JAKMIP3: variants seen among roughly 807,000 people sequenced by gnomAD.
JAKMIP3 encodes the protein janus kinase and microtubule-interacting protein 3.
In JAKMIP3, 58 loss-of-function variants were observed where a neutral mutation model predicts 118.5. That is an observed-to-expected ratio of 0.49 (90% CI 0.40 to 0.61). The LOEUF (loss-of-function observed/expected upper bound fraction) is 0.61, where lower values mean the gene tolerates loss of function less well. Among genes scored for constraint, JAKMIP3 ranks in the 20% least tolerant of loss-of-function variants. JAKMIP3 has a pLI of 0.00. For missense variants in JAKMIP3, 950 were observed against 1,109.0 expected, an observed-to-expected ratio of 0.86 and a Z score of 2.04; for synonymous variants, 486 against 451.2, an observed-to-expected ratio of 1.08 and a Z score of -0.98.
intron 1 of JAKMIP3, among the ~76,000 whole-genome samples, chr10:132,086,105 T>G (rs971647499): frequency 4.6e-5 from 7 of 152,206 alleles, no homozygotes; most frequent in Non-Finnish European, 4.4e-5. Context: ...TCATCTTGAT[T>G]TCATTGTTGA....
intron 1 of JAKMIP3, among the ~76,000 whole-genome samples, chr10:132,053,647 G>A (rs888799221): frequency 1.3e-5 from 2 of 152,144 alleles, no homozygotes; most frequent in Non-Finnish European, 2.9e-5. Flanking sequence ...ACCTCACCTC[G>A]CTTGCCATTA....
intron 1 of JAKMIP3, among the ~76,000 whole-genome samples, chr10:132,055,119 C>T (rs2133824708): frequency 6.6e-6 from 1 of 152,266 alleles, no homozygotes; most frequent in Non-Finnish European, 1.5e-5. Flanking sequence ...TTTTCTCTCT[C>T]CAGGGGCCTG....
chr10:132,100,009 G>A (rs1229781704), intron 1 of JAKMIP3, among the ~76,000 whole-genome samples: 3 of 152,294 alleles, frequency 2.0e-5, no homozygotes, highest in South Asian at 2.1e-4. Context: ...TGATCCTATC[G>A]TGGTGAGGGG....
chr10:132,166,744 C>G (rs1438212550), intron 21 of JAKMIP3, among the ~76,000 whole-genome samples: 1 of 152,152 alleles, frequency 6.6e-6, no homozygotes, highest in Non-Finnish European at 1.5e-5. Context: ...CAGCGCCCAC[C>G]ACCCGCATCT....
At chr10:132,043,441 C>T (rs1342516938) in intron 1 of JAKMIP3, among the ~76,000 whole-genome samples, 3 of 152,178 alleles carry the variant, frequency 2.0e-5, no homozygotes, top group African/African-American at 4.8e-5. Flanking sequence ...ATTATCCACA[C>T]ATGGTTTTTA....
At chr10:132,089,874 A>T (rs1222949313) in intron 1 of JAKMIP3, among the ~76,000 whole-genome samples, 1 of 152,168 alleles carries the variant, frequency 6.6e-6, no homozygotes, top group Non-Finnish European at 1.5e-5. Context: ...TTATTTTGAG[A>T]TATGTCCCAT....
In JAKMIP3 at chr10:132,163,260, G is replaced by C; in HGVS notation, c.2272G>C (p.Gly758Arg). 1 of 1,586,758 alleles carries C rather than the reference G, an allele frequency of 6.3e-7. No homozygotes were observed. The highest frequency in any genetic ancestry group is 8.6e-7 in the Non-Finnish European group (1 of 1,167,424). ...MLYDALQQEAGAKVAELLSEE... is the reference protein window; with the variant it reads ...MLYDALQQEARAKVAELLSEE... ...GTATGATGCCCTGCAGCAGGAGGCCGGGGCTAAGGTGGCTGAGCTGCTGTC... is the reference window on the plus strand; with the variant it reads ...GTATGATGCCCTGCAGCAGGAGGCCCGGGCTAAGGTGGCTGAGCTGCTGTC... The change falls in exon 20 of 24, where the codon GGG becomes CGG. Residue 758 changes from glycine to arginine, a missense_variant. By Grantham distance (125) the Gly-to-Arg change is moderately radical. Coordinates refer to ENST00000684848, the MANE Select transcript of JAKMIP3 (RefSeq NM_001323087.2).
chr10:132,037,465 C>G (rs1055139729), intron 1 of JAKMIP3, among the ~76,000 whole-genome samples: 5 of 152,138 alleles, frequency 3.3e-5, no homozygotes, highest in Non-Finnish European at 7.3e-5. Context: ...AATCCGTTGT[C>G]ATGGAGGGAG....
chr10:132,136,485 G>T (rs61864410), intron 6 of JAKMIP3, among the ~76,000 whole-genome samples: 2 of 152,058 alleles, frequency 1.3e-5, no homozygotes, highest in South Asian at 4.1e-4. Context: ...TCTCTGCTCC[G>T]CCAAGGCCAT....
chr10:132,065,100 G>T (rs1462383434), upstream of JAKMIP3, among the ~76,000 whole-genome samples: 2 of 152,154 alleles, frequency 1.3e-5, no homozygotes, highest in African/African-American at 4.8e-5. The surrounding 1 kb of genome is among the most constrained non-coding windows in gnomAD (Gnocchi z 5.6). Flanking sequence ...GCCGGAGACA[G>T]GGCAGGGCAG....
rs1565018870 is a variant in JAKMIP3, at chr10:132,180,588, TGTGTGTGTGC to T, written c.*1104-1765_*1104-1756del. Among the ~76,000 whole-genome samples the T allele has an allele frequency of 6.4e-4, 18 of 28,026 alleles. 1 individual carries two copies. Among genetic ancestry groups the T allele is most frequent in the Admixed American group, 3.2e-3 (7 of 2,194 alleles). The allele number at this position is 28,026 out of a possible 152,430, so 18.4% of individuals were successfully genotyped here. A position where few individuals can be genotyped will look rare whatever the true frequency, so the allele number is the denominator to read the frequency against. ...GTGTGCGTGTGTGTGTGCGTGCGCG[TGTGTGTGTGC>T]GTGCGCGTGTGTGTGTGCGTGTGTG... On this transcript the variant is annotated intron_variant, in intron 23 of 23. Coordinates refer to ENST00000684848, the MANE Select transcript of JAKMIP3 (RefSeq NM_001323087.2).
intron 1 of JAKMIP3, among the ~76,000 whole-genome samples, chr10:132,046,428 C>T (rs534063786): frequency 1.5e-4 from 23 of 151,188 alleles, no homozygotes; most frequent in Admixed American, 1.5e-3. Context: ...TGCACTCCAG[C>T]CTGGGTGACA....
At chr10:132,091,386 A>T (rs114047483) in intron 1 of JAKMIP3, among the ~76,000 whole-genome samples, 40,387 of 151,582 alleles carry the variant, frequency 0.27, 5,516 homozygotes, top group Middle Eastern at 0.42. Context: ...GGGTGTCAAC[A>T]TTATTATTGT....
rs2060741561 is a variant in JAKMIP3, at chr10:132,180,555, A to ATGTGTGTGTG, written c.*1104-1800_*1104-1799insTGTGTGTGTG. 6.9e-4 allele frequency among the ~76,000 whole-genome samples: 6 copies of ATGTGTGTGTG among 8,756 alleles called. 2 individuals are homozygous for ATGTGTGTGTG. The highest frequency in any genetic ancestry group is 1.0e-3 in the Non-Finnish European group (4 of 3,930). 5.7% of individuals were successfully genotyped at this position (8,756 alleles called of 152,430 possible). A position where few individuals can be genotyped will look rare whatever the true frequency, so the allele number is the denominator to read the frequency against. On this transcript the variant is annotated intron_variant, in intron 23 of 23. Coordinates refer to ENST00000684848, the MANE Select transcript of JAKMIP3 (RefSeq NM_001323087.2). ...TGTGTGTGTGTGTGTGCGTGCGTGC[A>ATGTGTGTGTG]TGCGTGTGTGTGCGTGTGTGTGTGC...
At chr10:132,164,456 T>C (rs1232135353) in intron 20 of JAKMIP3, among the ~76,000 whole-genome samples, 1 of 152,256 alleles carries the variant, frequency 6.6e-6, no homozygotes, top group African/African-American at 2.4e-5. Context: ...AAGGATATTG[T>C]TCCCACCACG....
chr10:132,139,327 T>A lies in JAKMIP3; in HGVS notation c.1345-1124T>A, dbSNP rs112118023. On this transcript the variant is annotated intron_variant, in intron 9 of 23. Transcript: ENST00000684848. Reference sequence around the variant, plus strand: ...GTGTGAGTGTGTATGTGTATGTGTGTGTGTTTGTATGTGTGTACATGTGAG... The same window carrying A: ...GTGTGAGTGTGTATGTGTATGTGTGAGTGTTTGTATGTGTGTACATGTGAG... Among the ~76,000 whole-genome samples, 105 of 146,552 alleles carry A rather than the reference T, an allele frequency of 7.2e-4. 1 individual carries two copies. In the Middle Eastern group the frequency reaches 0.018, roughly 25 times the overall value.
At position 132,117,256 on chromosome 10, in the gene JAKMIP3, C is replaced by A; in HGVS notation, c.315C>A (p.Val105=). The A allele has an allele frequency of 1.2e-6, 2 of 1,613,974 alleles. No homozygotes were observed. Among genetic ancestry groups the A allele is most frequent in the Non-Finnish European group, 1.7e-6 (2 of 1,179,896 alleles). Residue 105 remains valine (V), a synonymous_variant, in exon 3 of 24, where the codon GTC becomes GTA. Transcript: ENST00000684848. This position sits in a 1 kb window ranked among gnomAD's most constrained non-coding sequence, Gnocchi z 8.6. ...AGCATGAGGCTGAGCTGCTCAGGGT[C>A]ATCAAGATCAAGGACAACGAGAACC... ...LRQHEAELLR[V]IKIKDNENQR... is the part of the protein sequence containing the mutation.
At chr10:132,163,163 T>A in intron 19 of JAKMIP3, 46 bp from the exon 20 acceptor site, 1 of 1,526,664 alleles carries the variant, frequency 6.6e-7, no homozygotes. Flanking sequence ...GAAAGGTTTG[T>A]TCTGGGGAGA....
intron 23 of JAKMIP3, among the ~76,000 whole-genome samples, chr10:132,174,898 T>C (rs2060009077): frequency 6.6e-6 from 1 of 152,226 alleles, no homozygotes; most frequent in Non-Finnish European, 1.5e-5. Flanking sequence ...TTTCCATCCT[T>C]ATACCTTCTT....
Sources: allele counts gnomAD v4.1 joint callset (sites outside exome capture counted in the v4.1 genomes callset), GRCh38; gene constraint gnomAD v4.1.1; non-coding constraint Gnocchi (gnomAD v3.1); transcripts MANE v1.5; gene names NCBI Gene and HGNC (gene_info 2026-07-23, HGNC 2026-07-21).